Variants in SLC17A4 observed in about 807,000 individuals in gnomAD.
SLC17A4 encodes the protein probable small intestine urate exporter.
Under a neutral mutation model 52.5 loss-of-function variants are expected in SLC17A4, and 33 were observed. The ratio of observed to expected loss-of-function variants is 0.63; its 90% confidence interval spans 0.48 to 0.84. SLC17A4 has a LOEUF of 0.84. Ranked by LOEUF, SLC17A4 falls within the 40% of genes least tolerant of loss-of-function variation. The pLI, the probability that SLC17A4 is intolerant of heterozygous loss-of-function variation, is 0.00. For synonymous variants in SLC17A4, 225 were observed against 216.2 expected, an observed-to-expected ratio of 1.04 and a Z score of -0.36; for missense variants, 585 against 597.1, an observed-to-expected ratio of 0.98 and a Z score of 0.21.
At chr6:25,776,148 C>CA (rs397734742) in intron 8 of SLC17A4, among the ~76,000 whole-genome samples, 63,889 of 149,924 alleles carry the variant, frequency 0.43, 16,474 homozygotes, top group South Asian at 0.6. Context: ...CAGAGCATGC[C>CA]AAAAAAAAAT....
chr6:25,773,511 A>G lies in SLC17A4; in HGVS notation c.826-2A>G, dbSNP rs768214744. ...GGGACATTGATGTGTGCTTTCTTCC[A>G]GGACTGTTCACCAGGCTGGTCTCTT... On this transcript the variant is annotated splice_acceptor_variant, in intron 7 of 11. Transcript: ENST00000377905. LOFTEE classifies it high-confidence loss of function. 1 of 1,613,724 alleles carries G rather than the reference A, an allele frequency of 6.2e-7. No individual in the cohort carries two copies. The highest frequency in any genetic ancestry group is 1.7e-5 in the Admixed American group (1 of 59,972).
chr6:25,762,102 G>T (rs1443437562), intron 2 of SLC17A4, 49 bp downstream of exon 2: 1 of 1,518,054 alleles, frequency 6.6e-7, no homozygotes, highest in South Asian at 1.2e-5. Flanking sequence ...AGGATCTGTG[G>T]CACTGTAACT....
rs886980715 is a variant in SLC17A4, at chr6:25,779,582, A to C, written c.*394A>C. 1 of 169,144 alleles carries C rather than the reference A, an allele frequency of 5.9e-6. No individual in the cohort carries two copies. Among genetic ancestry groups the C allele is most frequent in the East Asian group, 1.7e-4 (1 of 5,866 alleles). The allele number at this position is 169,144 out of a possible 1,614,324, so 10.5% of individuals were successfully genotyped here. On this transcript the variant is annotated 3_prime_UTR_variant, in exon 12 of 12. Transcript: ENST00000377905. The stretch of plus-strand genomic sequence containing the variant: ...CTGTCCTCAAAAGAAAGCCCCAAAC[A>C]ACAGAAAGCATAGTGTTTTCCATTG...
chr6:25,773,585 T>C lies in SLC17A4; in HGVS notation c.898T>C (p.Ser300Pro). The C allele has an allele frequency of 2.5e-6, 4 of 1,613,984 alleles. No individual in the cohort carries two copies. The highest frequency in any genetic ancestry group is 3.3e-5 in the Admixed American group (2 of 59,980). ...CTTACCACTCTGGGCCATTTTAGTC[T>C]CTTATTTCTGTGAATACTGGCTTTT... ...KSLPLWAILV[S>P]YFCEYWLFYT... Residue 300 changes from serine (S) to proline (P), a missense_variant, in exon 8 of 12, where the codon TCT (serine) becomes CCT (proline). Physicochemically the swap from Ser to Pro is moderately conservative, Grantham distance 74. Transcript: ENST00000377905.
intron 1 of SLC17A4, among the ~76,000 whole-genome samples, chr6:25,761,081 A>G (rs1761489793): frequency 6.6e-6 from 1 of 152,126 alleles, no homozygotes; most frequent in African/African-American, 2.4e-5. Context: ...ACTGGGCTTG[A>G]TTCTTTGGTC....
rs1379880847 is a variant in SLC17A4, at chr6:25,779,393, G to A, written c.*205G>A. On this transcript the variant is annotated 3_prime_UTR_variant, in exon 12 of 12. Coordinates refer to ENST00000377905, the MANE Select transcript of SLC17A4 (RefSeq NM_005495.3). ...TGCAAGCTACTAAAAGCATAGGTGTGTTGAGATTTCTGTGTTCTCCACTCT... is the reference window on the plus strand; with the variant it reads ...TGCAAGCTACTAAAAGCATAGGTGTATTGAGATTTCTGTGTTCTCCACTCT... 6.7e-5 allele frequency: 38 copies of A among 566,922 alleles called. No homozygotes were observed. In the East Asian group the frequency reaches 8.0e-4, roughly 12 times the overall value. 35.1% of individuals were successfully genotyped at this position (566,922 alleles called of 1,614,324 possible).
chr6:25,772,291 C>A (rs1347299598), intron 6 of SLC17A4, among the ~76,000 whole-genome samples: 1 of 152,132 alleles, frequency 6.6e-6, no homozygotes, highest in African/African-American at 2.4e-5. Context: ...ATATTAACAT[C>A]CTCCAACCCC....
chr6:25,779,020 T>C, intron 11 of SLC17A4, 34 bp from the exon 12 acceptor site: 1 of 1,611,126 alleles, frequency 6.2e-7, no homozygotes, highest in Non-Finnish European at 8.5e-7. Flanking sequence ...AGGAATTGGG[T>C]GACCGTTAAT....
chr6:25,757,768 G>T (rs1761150106), intron 1 of SLC17A4, among the ~76,000 whole-genome samples: 1 of 152,108 alleles, frequency 6.6e-6, no homozygotes, highest in African/African-American at 2.4e-5. Flanking sequence ...TCTCTGGGTT[G>T]GATGAATGTT....
Position 25,770,319 on chromosome 6 carries a change from G to C in SLC17A4, c.531+19G>C. ...AGCCCAGGTACCAAGATGTTTTCCA[G>C]GTATAAGTGGAATATAGGTTCCAGA... On this transcript the variant is annotated intron_variant, in intron 4 of 11. Transcript: ENST00000377905. The C allele has an allele frequency of 2.5e-6, 4 of 1,613,664 alleles. No homozygotes were observed. Among genetic ancestry groups the C allele is most frequent in the Non-Finnish European group, 3.4e-6 (4 of 1,179,624 alleles).
chr6:25,770,534 C>T, intron 5 of SLC17A4, 63 bp downstream of exon 5: 1 of 1,425,780 alleles, frequency 7.0e-7, no homozygotes, highest in Non-Finnish European at 9.9e-7. Flanking sequence ...AAAGTCCTGC[C>T]AACAGAACCA....
At position 25,758,959 on chromosome 6, in the gene SLC17A4, C is replaced by T. The variant is rs573458588; in HGVS notation, c.-36-2968C>T. Among the ~76,000 whole-genome samples, 72 of 152,042 alleles carry T rather than the reference C, an allele frequency of 4.7e-4. 1 individual carries two copies. Among genetic ancestry groups the T allele is most frequent in the Middle Eastern group, 6.8e-3 (2 of 292 alleles). On this transcript the variant is annotated intron_variant, in intron 1 of 11. Coordinates refer to ENST00000377905, the MANE Select transcript of SLC17A4 (RefSeq NM_005495.3). ...ATGGTATGAACTTTCCTCTTAGCACCGCTTTTGCTGTATCCCAGAGGTTTT... is the reference window on the plus strand; with the variant it reads ...ATGGTATGAACTTTCCTCTTAGCACTGCTTTTGCTGTATCCCAGAGGTTTT...
intron 1 of SLC17A4, among the ~76,000 whole-genome samples, chr6:25,761,215 A>T (rs1761499990): frequency 6.6e-6 from 1 of 152,258 alleles, no homozygotes; most frequent in South Asian, 2.1e-4. Flanking sequence ...TTCAAACCAT[A>T]ACTCAGGACA....
In SLC17A4 at chr6:25,776,247, C is replaced by T. The variant is rs117467263; in HGVS notation, c.988-348C>T. Among the ~76,000 whole-genome samples, 56 of 152,114 alleles carry T rather than the reference C, an allele frequency of 3.7e-4. No homozygotes were observed. The East Asian group carries it at 9.9e-3, about 27-fold the overall frequency. On this transcript the variant is annotated intron_variant, in intron 8 of 11. Coordinates refer to ENST00000377905, the MANE Select transcript of SLC17A4 (RefSeq NM_005495.3). ...TTTCATTATGAGTAAAGTTGGATAC[C>T]TTTTAACATGTTTAGGAGCCACTTA...
At chr6:25,776,448 TTG>T (rs1000835024) in intron 8 of SLC17A4, 145 bp from the exon 9 acceptor site, 2 of 900,920 alleles carry the variant, frequency 2.2e-6, no homozygotes, top group Admixed American at 5.0e-5. Context: ...TAAAAGTATA[TTG>T]GCTCATTATA....
In SLC17A4 at chr6:25,777,903, A is replaced by T. The variant is rs191385583; in HGVS notation, c.1269-23A>T. 2.1e-4 allele frequency: 337 copies of T among 1,592,672 alleles called. No homozygotes were observed. In the African/African-American group the frequency reaches 3.0e-3, roughly 14 times the overall value. On this transcript the variant is annotated intron_variant, in intron 10 of 11. Transcript: ENST00000377905. Reference sequence around the variant, plus strand: ...AAACGTAGGTATACTTGGTTATAATAGAGTACCATCTCTCTCTCTCAGGTA... The same window carrying T: ...AAACGTAGGTATACTTGGTTATAATTGAGTACCATCTCTCTCTCTCAGGTA...
chr6:25,773,702 C>G, intron 8 of SLC17A4, 28 bp downstream of exon 8: 4 of 1,604,106 alleles, frequency 2.5e-6, no homozygotes, highest in Non-Finnish European at 3.4e-6. Flanking sequence ...TCATTCTGAT[C>G]TTCTGTTTAA....
chr6:25,780,786 A>C lies in SLC17A4; in HGVS notation c.*1598A>C, dbSNP rs1294195413. On this transcript the variant is annotated 3_prime_UTR_variant, in exon 12 of 12. Coordinates refer to ENST00000377905, the MANE Select transcript of SLC17A4 (RefSeq NM_005495.3). ...AGGCAATAGACATGGTGAGAGGTGA[A>C]TGGATTATTTGATTTAGGTGGATTA... 1 of 152,184 alleles carries C rather than the reference A, an allele frequency of 6.6e-6. No homozygotes were observed. Among genetic ancestry groups the C allele is most frequent in the Non-Finnish European group, 1.5e-5 (1 of 68,078 alleles). 9.4% of individuals were successfully genotyped at this position (152,184 alleles called of 1,614,324 possible).
intron 3 of SLC17A4, 139 bp from the exon 4 acceptor site, chr6:25,769,928 A>G (rs1762340642): frequency 1.6e-5 from 12 of 732,922 alleles, no homozygotes; most frequent in Non-Finnish European, 2.8e-5. Flanking sequence ...TTTTAAATAC[A>G]TGATACTGGT....
Sources: gnomAD v4.1 joint callset for allele counts (sites outside exome capture counted in the v4.1 genomes callset) on GRCh38, gnomAD v4.1.1 for gene constraint, MANE v1.5 for transcripts, NCBI Gene and HGNC (gene_info 2026-07-23, HGNC 2026-07-21) for gene names.